Variants in MYO16 observed in about 807,000 individuals in gnomAD.
MYO16 encodes the protein unconventional myosin-XVI.
Under a neutral mutation model 205.3 loss-of-function variants are expected in MYO16, and 94 were observed. The observed-to-expected ratio is 0.46, with a 90% CI of 0.39 to 0.54. The LOEUF (loss-of-function observed/expected upper bound fraction) is 0.54, where lower values mean the gene tolerates loss of function less well. Among genes scored for constraint, MYO16 ranks in the 20% least tolerant of loss-of-function variants. The pLI is 0.00. For missense variants in MYO16, 2,315 were observed against 2,387.5 expected, an observed-to-expected ratio of 0.97 and a Z score of 0.63; for synonymous variants, 988 against 954.0, an observed-to-expected ratio of 1.04 and a Z score of -0.66.
chr13:109,023,616 T>C (rs1354934071), intron 23 of MYO16, among the ~76,000 whole-genome samples: 1 of 125,434 alleles, frequency 8.0e-6, no homozygotes, highest in African/African-American at 3.0e-5. Flanking sequence ...TATTTATATA[T>C]ACAAATATAT....
At chr13:109,205,480 TAGA>T (rs1437436083) in intron 34 of MYO16, among the ~76,000 whole-genome samples, 2 of 152,220 alleles carry the variant, frequency 1.3e-5, no homozygotes, top group Admixed American at 1.3e-4. Context: ...TGTGATGAGA[TAGA>T]AGAAGTGCTG....
At chr13:108,561,721 G>A in the MYO16 span, among the ~76,000 whole-genome samples, 1 of 152,058 alleles carries the variant, frequency 6.6e-6, no homozygotes, top group Non-Finnish European at 1.5e-5. Flanking sequence ...ATTCTTATTT[G>A]TAAGCCCATT....
At chr13:108,559,470 C>CTTTTTTTTTTTTTTTTTTTTTTTTT in the MYO16 span, among the ~76,000 whole-genome samples, 9 of 87,414 alleles carry the variant, frequency 1.0e-4, no homozygotes, top group African/African-American at 1.7e-4. Context: ...TTTTTCTTTT[C>CTTTTTTTTTTTTTTTTTTTTTTTTT]TTTTTTTTTT....
At chr13:108,888,707 G>C (rs182715600) in intron 14 of MYO16, among the ~76,000 whole-genome samples, 1 of 151,916 alleles carries the variant, frequency 6.6e-6, no homozygotes, top group African/African-American at 2.4e-5. Context: ...TATTTGCTCC[G>C]AATAGTTGGA....
chr13:108,931,661 A>G (rs1053843886), intron 16 of MYO16, among the ~76,000 whole-genome samples: 2 of 152,226 alleles, frequency 1.3e-5, no homozygotes, highest in Non-Finnish European at 2.9e-5. Flanking sequence ...CATTATGCCC[A>G]TAAGTCCTGG....
chr13:108,660,756 A>G (rs933665746), intron 1 of MYO16, among the ~76,000 whole-genome samples: 8 of 152,174 alleles, frequency 5.3e-5, no homozygotes, highest in Admixed American at 2.0e-4. Flanking sequence ...TAAGTGGAGC[A>G]ATTAGGCCAT....
intron 27 of MYO16, among the ~76,000 whole-genome samples, chr13:109,089,939 A>G (rs1161513780): frequency 6.6e-6 from 1 of 152,228 alleles, no homozygotes; most frequent in African/African-American, 2.4e-5. Flanking sequence ...CCAGACTGCA[A>G]GAGAGACCTC....
At chr13:108,649,599 C>T (rs191804140) in intron 1 of MYO16, among the ~76,000 whole-genome samples, 1 of 152,262 alleles carries the variant, frequency 6.6e-6, no homozygotes, top group African/African-American at 2.4e-5. Flanking sequence ...TTAGTATTAA[C>T]CTTCAATAAG....
intron 4 of MYO16, among the ~76,000 whole-genome samples, chr13:108,737,771 C>A (rs921969593): frequency 6.6e-6 from 1 of 151,930 alleles, no homozygotes; most frequent in East Asian, 1.9e-4. Flanking sequence ...AGTCCTGGAC[C>A]TTTTTTGGTT....
chr13:109,167,893 TA>T (rs1594151718), intron 33 of MYO16, among the ~76,000 whole-genome samples: 2 of 151,064 alleles, frequency 1.3e-5, no homozygotes, highest in African/African-American at 2.4e-5. Context: ...GGAAAAAAAA[TA>T]AAAATGAAAG....
At chr13:108,508,302 A>G in the MYO16 span, among the ~76,000 whole-genome samples, 2 of 150,920 alleles carry the variant, frequency 1.3e-5, no homozygotes, top group Non-Finnish European at 2.9e-5. Flanking sequence ...CTAGCTTTAT[A>G]CTGAGGAAGA....
chr13:108,900,324 C>T (rs550075131), intron 15 of MYO16, among the ~76,000 whole-genome samples: 2 of 152,196 alleles, frequency 1.3e-5, no homozygotes, highest in South Asian at 2.1e-4. Flanking sequence ...GCATAATTAG[C>T]CCCACATATA....
Position 108,666,100 on chromosome 13 carries a change from C to T in MYO16, c.243C>T (p.Asn81=), listed in dbSNP as rs559181005. 6.2e-6 allele frequency: 10 copies of T among 1,613,934 alleles called. No individual in the cohort carries two copies. Among genetic ancestry groups the T allele is most frequent in the South Asian group, 4.4e-5 (4 of 91,076 alleles). The part of the protein sequence containing the change: ...KHAKNPKVHF[N]LTDMLQDAII... The stretch of plus-strand genomic sequence containing the variant: ...CGAAGAATCCGAAAGTTCACTTCAA[C>T]CTCACGGACATGCTACAGGACGCGA... The change falls in exon 2 of 35, where the codon AAC becomes AAT. Residue 81 remains asparagine, a synonymous_variant. Transcript: ENST00000457511.
intron 7 of MYO16, among the ~76,000 whole-genome samples, chr13:108,810,272 A>G (rs1887248413): frequency 6.6e-6 from 1 of 152,212 alleles, no homozygotes; most frequent in Admixed American, 6.5e-5. Context: ...TCTCCACTGG[A>G]ATGCACGCTT....
intron 1 of MYO16, among the ~76,000 whole-genome samples, chr13:108,619,698 C>A (rs374349417): frequency 2.6e-5 from 4 of 151,944 alleles, no homozygotes; most frequent in African/African-American, 9.7e-5. Flanking sequence ...CCGCTGTGAC[C>A]CTTGAACACT....
the MYO16 span, among the ~76,000 whole-genome samples, chr13:108,536,724 T>C: frequency 6.6e-6 from 1 of 152,182 alleles, no homozygotes; most frequent in African/African-American, 2.4e-5. Context: ...AGACTTTTCT[T>C]ATTTCTCACC....
intron 34 of MYO16, among the ~76,000 whole-genome samples, chr13:109,190,913 G>A (rs186529131): frequency 2.6e-5 from 4 of 152,226 alleles, no homozygotes; most frequent in Non-Finnish European, 5.9e-5. Context: ...CCGAGTGAGT[G>A]GATTGCATAA....
rs1284250498 is a variant in MYO16, at chr13:109,164,921, A to T, written c.5185A>T (p.Ile1729Leu). The change falls in exon 33 of 35, where the codon ATA becomes TTA. Residue 1729 changes from isoleucine (I) to leucine (L), a missense_variant. Physicochemically the swap from Ile to Leu is conservative, Grantham distance 5. Around this residue, in one of 3 missense-constraint regions of MYO16, gnomAD observed 1,097 missense variants for 1,092.0 expected, o/e 1.00. Coordinates refer to ENST00000457511, the MANE Select transcript of MYO16 (RefSeq NM_001198950.3). The part of the protein sequence containing the change: ...EAEGFETNMN[I>L]SSRDDPSTSE... ...TTTAGGTTTTGAAACTAACATGAAC[A>T]TAAGTAGCCGAGATGACCCTAGTAC... 1 of 1,583,714 alleles carries T rather than the reference A, an allele frequency of 6.3e-7. No individual in the cohort carries two copies. The highest frequency in any genetic ancestry group is 1.4e-5 in the African/African-American group (1 of 73,304).
At chr13:108,880,366 A>G (rs1325161869) in intron 12 of MYO16, among the ~76,000 whole-genome samples, 3 of 152,150 alleles carry the variant, frequency 2.0e-5, no homozygotes, top group Admixed American at 1.3e-4. Context: ...CTTTAGTTTA[A>G]TTAGATCCCA....
Sources: allele counts gnomAD v4.1 joint callset (sites outside exome capture counted in the v4.1 genomes callset), GRCh38; gene constraint gnomAD v4.1.1; regional missense constraint gnomAD v4.1.1; transcripts MANE v1.5; gene names NCBI Gene and HGNC (gene_info 2026-07-23, HGNC 2026-07-21).